WWOX: variants seen among roughly 807,000 people sequenced by gnomAD.
WWOX encodes WW domain-containing oxidoreductase.
Under a neutral mutation model 46.2 loss-of-function variants are expected in WWOX, and 69 were observed. The ratio of observed to expected loss-of-function variants is 1.49; its 90% CI spans 1.23 to 1.82. The LOEUF is 1.82. Among genes scored for constraint, WWOX ranks in the 40% most tolerant of loss-of-function variants. The pLI is 0.00. For synonymous variants in WWOX, 359 were observed against 202.6 expected (o/e 1.77, Z -6.56); for missense variants, 919 against 542.6 (o/e 1.69, Z -6.89).
At chr16:78,223,145 T>A (rs1248605096) in intron 5 of WWOX, among the ~76,000 whole-genome samples, 1 of 152,168 alleles carries the variant, frequency 6.6e-6, no homozygotes, top group African/African-American at 2.4e-5. Flanking sequence ...GAAATAAATA[T>A]ATTGCCTTTC....
At chr16:78,792,729 C>T (rs940518114) in intron 8 of WWOX, among the ~76,000 whole-genome samples, 5 of 152,142 alleles carry the variant, frequency 3.3e-5, no homozygotes, top group African/African-American at 9.7e-5. Flanking sequence ...CTGTAGAAAT[C>T]TTAAGATGAG....
chr16:78,314,542 GAGT>G (rs2080316130), intron 5 of WWOX, among the ~76,000 whole-genome samples: 2 of 80,068 alleles, frequency 2.5e-5, no homozygotes, highest in Non-Finnish European at 4.8e-5. Context: ...TTTTTTTTTT[GAGT>G]CGGAGTTTTG....
In WWOX at chr16:79,211,922, A is replaced by ACTCTGTT. The variant is rs1222802843; in HGVS notation, c.*126_*127insCTCTGTT. 4 of 1,542,590 alleles carry ACTCTGTT rather than the reference A, an allele frequency of 2.6e-6. No homozygotes were observed. Among genetic ancestry groups the ACTCTGTT allele is most frequent in the Admixed American group, 2.0e-5 (1 of 51,112 alleles). ...CCGCAAGAGTAAAGGAAATAAGAGC[A>ACTCTGTT]GTCACAACAGAGTGAAAAATCTTAA... On this transcript the variant is annotated 3_prime_UTR_variant, in exon 9 of 9. Coordinates refer to ENST00000566780, the MANE Select transcript of WWOX (RefSeq NM_016373.4).
chr16:78,742,197 G>C (rs558697254), intron 8 of WWOX, among the ~76,000 whole-genome samples: 3 of 152,298 alleles, frequency 2.0e-5, no homozygotes, highest in Admixed American at 2.0e-4. Flanking sequence ...ATAAATCAGT[G>C]TACAAATACT....
At chr16:78,795,634 T>C (rs1453642131) in intron 8 of WWOX, among the ~76,000 whole-genome samples, 1 of 152,246 alleles carries the variant, frequency 6.6e-6, no homozygotes, top group Non-Finnish European at 1.5e-5. Flanking sequence ...CACTCATGTA[T>C]AATTCTGGCT....
At chr16:79,018,288 T>A (rs1260242764) in intron 8 of WWOX, among the ~76,000 whole-genome samples, 1 of 152,238 alleles carries the variant, frequency 6.6e-6, no homozygotes, top group African/African-American at 2.4e-5. Context: ...ATTGTAATGG[T>A]GTAAATTATA....
At position 79,074,409 on chromosome 16, in the gene WWOX, C is replaced by CTTTTTTTTTTTTTTTTTTTTTTTTTTTT. The variant is rs60074156; in HGVS notation, c.1057-137193_1057-137166dup. Reference sequence around the variant, plus strand: ...CATCCTGACTGAAATGTCACTAGTCCTTTTTTTTTTTTTTTTTTTTTTTTT... The same window carrying CTTTTTTTTTTTTTTTTTTTTTTTTTTTT: ...CATCCTGACTGAAATGTCACTAGTCCTTTTTTTTTTTTTTTTTTTTTTTTTTTTTTTTTTTTTTTTTTTTTTTTTTTTT... On this transcript the variant is annotated intron_variant, in intron 8 of 8. Transcript: ENST00000566780. 1.4e-3 allele frequency among the ~76,000 whole-genome samples: 44 copies of CTTTTTTTTTTTTTTTTTTTTTTTTTTTT among 30,988 alleles called. 10 individuals are homozygous for CTTTTTTTTTTTTTTTTTTTTTTTTTTTT. Among genetic ancestry groups the CTTTTTTTTTTTTTTTTTTTTTTTTTTTT allele is most frequent in the East Asian group, 2.8e-3 (2 of 726 alleles). 20.3% of individuals were successfully genotyped at this position (30,988 alleles called of 152,430 possible).
intron 5 of WWOX, among the ~76,000 whole-genome samples, chr16:78,352,232 T>G (rs2081200414): frequency 6.6e-6 from 1 of 152,242 alleles, no homozygotes; most frequent in African/African-American, 2.4e-5. Context: ...TCTCACAAAT[T>G]AAACATGTTA....
intron 8 of WWOX, among the ~76,000 whole-genome samples, chr16:78,519,653 G>A (rs1021080783): frequency 6.6e-6 from 1 of 152,054 alleles, no homozygotes; most frequent in African/African-American, 2.4e-5. Flanking sequence ...GACATGATAA[G>A]GTCCTGGGGG....
chr16:78,669,978 T>TC (rs1221635380), intron 8 of WWOX, among the ~76,000 whole-genome samples: 5 of 152,060 alleles, frequency 3.3e-5, no homozygotes, highest in Non-Finnish European at 1.5e-5. Context: ...CCCTTCATCC[T>TC]CCCCCACCAG....
At chr16:79,084,330 C>T (rs1294876919) in intron 8 of WWOX, among the ~76,000 whole-genome samples, 1 of 152,052 alleles carries the variant, frequency 6.6e-6, no homozygotes, top group Non-Finnish European at 1.5e-5. Flanking sequence ...ATAAATCACA[C>T]CAAAAATAAG....
chr16:78,832,178 G>C (rs1022893458), intron 8 of WWOX, among the ~76,000 whole-genome samples: 3 of 152,138 alleles, frequency 2.0e-5, no homozygotes, highest in Non-Finnish European at 4.4e-5. Context: ...CAGAATCCTT[G>C]ACTGAAGGGG....
At chr16:78,107,611 T>TGC (rs10635432) in intron 1 of WWOX, among the ~76,000 whole-genome samples, 12,411 of 152,162 alleles carry the variant, frequency 0.082, 1,052 homozygotes, top group African/African-American at 0.22. Context: ...ATCTCTTAAC[T>TGC]ACCTCTTGGG....
At chr16:78,167,336 C>G (rs2035006438) in intron 5 of WWOX, 1 of 150,268 alleles carries the variant, frequency 6.7e-6, no homozygotes. Flanking sequence ...CAAAGACCCA[C>G]TGTTCAGTCT....
Position 79,042,598 on chromosome 16 carries a change from G to A in WWOX, c.1057-169010G>A, listed in dbSNP as rs376431304. ...TTATAATGCAGCATGGAAATTTGGA[G>A]CAAATTAACTATACATGCAAGCTGT... On this transcript the variant is annotated intron_variant, in intron 8 of 8. Coordinates refer to ENST00000566780, the MANE Select transcript of WWOX (RefSeq NM_016373.4). Among the ~76,000 whole-genome samples, 253 of 152,228 alleles carry A rather than the reference G, an allele frequency of 1.7e-3. 3 individuals carry two copies. The South Asian group carries it at 0.045, about 27-fold the overall frequency.
chr16:78,413,236 G>A (rs1263648887), intron 6 of WWOX, among the ~76,000 whole-genome samples: 2 of 152,196 alleles, frequency 1.3e-5, no homozygotes, highest in East Asian at 3.9e-4. Flanking sequence ...AAATGTGGTG[G>A]ATAGGGAGCC....
chr16:78,271,864 A>T (rs924381874), intron 5 of WWOX, among the ~76,000 whole-genome samples: 1 of 152,164 alleles, frequency 6.6e-6, no homozygotes, highest in Non-Finnish European at 1.5e-5. Context: ...CCCAAAGAGC[A>T]TGGTGAATTT....
intron 5 of WWOX, among the ~76,000 whole-genome samples, chr16:78,312,996 T>C (rs2080278180): frequency 6.6e-6 from 1 of 152,208 alleles, no homozygotes; most frequent in Non-Finnish European, 1.5e-5. Context: ...TGAGTGATTG[T>C]GAATGTTTTC....
chr16:79,060,717 C>A (rs934653087), intron 8 of WWOX, among the ~76,000 whole-genome samples: 1 of 152,202 alleles, frequency 6.6e-6, no homozygotes, highest in Non-Finnish European at 1.5e-5. Flanking sequence ...ACCAATGAGG[C>A]CATTGTCACT....
Sources: gnomAD v4.1 joint callset for allele counts (sites outside exome capture counted in the v4.1 genomes callset) on GRCh38, gnomAD v4.1.1 for gene constraint, MANE v1.5 for transcripts, NCBI Gene and HGNC (gene_info 2026-07-23, HGNC 2026-07-21) for gene names.